The following SLCO4A1 variants were observed in gnomAD, a reference collection of about 807,000 sequenced individuals.
SLCO4A1 encodes colon organic anion transporter.
SLCO4A1 carries 51 observed loss-of-function variants against 64.6 expected under a neutral mutation model. The observed-to-expected ratio is 0.79, with a 90% confidence interval of 0.63 to 1.00. The LOEUF (loss-of-function observed/expected upper bound fraction) is 1.00, where lower values mean the gene tolerates loss of function less well. SLCO4A1 is among the 50% of genes least tolerant of loss of function. The pLI is 0.00. For missense variants in SLCO4A1, 919 were observed against 980.5 expected (o/e 0.94, Z 0.84); for synonymous variants, 471 against 444.9 (o/e 1.06, Z -0.74).
chr20:62,673,066 G>A (rs1285832853), downstream of SLCO4A1, among the ~76,000 whole-genome samples: 1 of 143,636 alleles, frequency 7.0e-6, no homozygotes, highest in Non-Finnish European at 1.6e-5. Context: ...GATTTGCTAA[G>A]TAAGGAGATA....
chr20:62,650,476 G>T (rs1252966600), intron 1 of SLCO4A1: 2 of 152,238 alleles, frequency 1.3e-5, no homozygotes, highest in Non-Finnish European at 2.9e-5. Flanking sequence ...AAAGGTGTGG[G>T]CTGCCGAGCT....
At chr20:62,652,854 G>A (rs1017108200) in intron 1 of SLCO4A1, among the ~76,000 whole-genome samples, 2 of 152,236 alleles carry the variant, frequency 1.3e-5, no homozygotes, top group Non-Finnish European at 2.9e-5. Context: ...CAGTGTCCAA[G>A]GTCAACAGCG....
intron 1 of SLCO4A1, among the ~76,000 whole-genome samples, chr20:62,646,350 C>G (rs766220002): frequency 6.6e-6 from 1 of 152,246 alleles, no homozygotes; most frequent in East Asian, 1.9e-4. Context: ...GCCCTGTGCC[C>G]AAGGACTAGC....
intron 1 of SLCO4A1, chr20:62,650,761 G>A (rs755280444): frequency 6.6e-6 from 1 of 152,176 alleles, no homozygotes; most frequent in Non-Finnish European, 1.5e-5. Flanking sequence ...TGCTGGACTC[G>A]GCTGCTGCGG....
rs1984772454 is a variant in SLCO4A1 at position 62,661,268 on chromosome 20, A to G, written c.1121+93A>G. On this transcript the variant is annotated intron_variant, in intron 5 of 11. Coordinates refer to ENST00000217159, the MANE Select transcript of SLCO4A1 (RefSeq NM_016354.4). The surrounding 1 kb of genome is among the most constrained non-coding windows in gnomAD (Gnocchi z 5.2). The stretch of plus-strand genomic sequence containing the variant: ...TCGTTGAGACCCCTCCGGGATCATG[A>G]TGGGGACGCAGCCCCTAACCTCTGT... 6 of 857,242 alleles carry G rather than the reference A, an allele frequency of 7.0e-6. No individual in the cohort carries two copies. Among genetic ancestry groups the G allele is most frequent in the Non-Finnish European group, 1.2e-5 (6 of 509,282 alleles). The allele number at this position is 857,242 out of a possible 1,614,324, so 53.1% of individuals were successfully genotyped here.
chr20:62,687,292 C>T (rs1048908398), downstream of SLCO4A1, among the ~76,000 whole-genome samples: 2 of 151,810 alleles, frequency 1.3e-5, no homozygotes, highest in South Asian at 2.1e-4. Context: ...ATGAAGTTGA[C>T]CAAACGCCAC....
chr20:62,655,099 C>T (rs1222583271), intron 1 of SLCO4A1, among the ~76,000 whole-genome samples: 1 of 152,238 alleles, frequency 6.6e-6, no homozygotes, highest in African/African-American at 2.4e-5. Context: ...GGGGTCAAGG[C>T]TCCAAGACAG....
At chr20:62,664,101 G>A (rs1985611682) in intron 5 of SLCO4A1, among the ~76,000 whole-genome samples, 1 of 152,028 alleles carries the variant, frequency 6.6e-6, no homozygotes, top group African/African-American at 2.4e-5. Context: ...AGCTTCCAGG[G>A]GGCTATGTCC....
In SLCO4A1 at chr20:62,661,065, C is replaced by A. The variant is rs751033955; in HGVS notation, c.1011C>A (p.Gly337=). 33 of 1,598,470 alleles carry A rather than the reference C, an allele frequency of 2.1e-5. 1 individual carries two copies. Among genetic ancestry groups the A allele is most frequent in the Non-Finnish European group, 2.8e-5 (33 of 1,171,384 alleles). The change falls in exon 5 of 12, where the codon GGC becomes GGA. Residue 337 remains glycine (G), a splice_region_variant and synonymous_variant. Coordinates refer to ENST00000217159, the MANE Select transcript of SLCO4A1 (RefSeq NM_016354.4). The surrounding 1 kb of genome is among the most constrained non-coding windows in gnomAD (Gnocchi z 5.2). ...PILGYPRQLP[G]SQRYAVMRAA... is the part of the protein sequence containing the mutation. ...CCAGCTCACTCTGTGCCCTTCCAGGCTCCCAGCGCTACGCGGTCATGAGAG... is the reference window on the plus strand; with the variant it reads ...CCAGCTCACTCTGTGCCCTTCCAGGATCCCAGCGCTACGCGGTCATGAGAG...
rs185456866 is a variant in SLCO4A1, at chr20:62,645,402, G to A, written c.-97+2849G>A. 6.6e-6 allele frequency among the ~76,000 whole-genome samples: 1 copy of A among 151,532 alleles called. No homozygotes were observed. Among genetic ancestry groups the A allele is most frequent in the African/African-American group, 2.4e-5 (1 of 41,364 alleles). On this transcript the variant is annotated intron_variant, in intron 1 of 11. Coordinates refer to ENST00000217159, the MANE Select transcript of SLCO4A1 (RefSeq NM_016354.4). The surrounding 1 kb of genome is among the most constrained non-coding windows in gnomAD (Gnocchi z 4.2). ...AGAACAACCTGGTCCTGGGGACCCT[G>A]CTGCCTTCTCTGGCCCCTGCTGGCC...
intron 11 of SLCO4A1, among the ~76,000 whole-genome samples, chr20:62,670,761 G>A (rs1470390607): frequency 1.3e-5 from 2 of 152,220 alleles, no homozygotes; most frequent in South Asian, 2.1e-4. Flanking sequence ...GTCAGAGTTG[G>A]CCTCAGCAGC....
chr20:62,647,666 C>T (rs1981602738), intron 1 of SLCO4A1, among the ~76,000 whole-genome samples: 1 of 152,258 alleles, frequency 6.6e-6, no homozygotes, highest in Non-Finnish European at 1.5e-5. Context: ...GAGCGCTTTG[C>T]AGGGAGCCAG....
At chr20:62,650,359 G>A (rs1199037709) in intron 1 of SLCO4A1, 2 of 152,212 alleles carry the variant, frequency 1.3e-5, no homozygotes, top group African/African-American at 4.8e-5. Context: ...CAGTCCAGGG[G>A]CTAGGCAGCC....
chr20:62,676,851 G>A (rs1042345855), downstream of SLCO4A1, among the ~76,000 whole-genome samples: 1 of 152,222 alleles, frequency 6.6e-6, no homozygotes, highest in Non-Finnish European at 1.5e-5. Context: ...AATGTTCACG[G>A]CAATGTTGCT....
At chr20:62,663,520 CATTT>C (rs1353459793) in intron 5 of SLCO4A1, 2 of 152,224 alleles carry the variant, frequency 1.3e-5, no homozygotes, top group African/African-American at 4.8e-5. Context: ...ATGGACATGT[CATTT>C]ATTGTGAAAA....
At position 62,658,860 on chromosome 20, in the gene SLCO4A1, C is replaced by T. The variant is rs1262039554; in HGVS notation, c.887+93C>T. The T allele has an allele frequency of 7.1e-6, 8 of 1,123,984 alleles. No individual in the cohort carries two copies. In the East Asian group the frequency reaches 1.8e-4, roughly 26 times the overall value. 69.6% of individuals were successfully genotyped at this position (1,123,984 alleles called of 1,614,324 possible). On this transcript the variant is annotated intron_variant, in intron 3 of 11. Transcript: ENST00000217159. ...TCAGCAGGGCCCACTCTGAGTCAGG[C>T]CGGGCGCGGCGCAGGTGCTGGGCAC...
rs1983823934 is a variant in SLCO4A1 at position 62,656,850 on chromosome 20, G to A, written c.396G>A (p.Glu132=). 2 of 1,607,410 alleles carry A rather than the reference G, an allele frequency of 1.2e-6. No homozygotes were observed. The highest frequency in any genetic ancestry group is 1.1e-5 in the South Asian group (1 of 90,596). Residue 132 remains glutamate (E), a synonymous_variant, in exon 2 of 12, where the codon GAG becomes GAA. Coordinates refer to ENST00000217159, the MANE Select transcript of SLCO4A1 (RefSeq NM_016354.4). ...TCAACACAGTCATCACCTCCCTGGA[G>A]CGCCGCTATGACCTGCACAGCTACC... ...GFINTVITSL[E]RRYDLHSYQS... is the part of the protein sequence containing the mutation.
At position 62,652,888 on chromosome 20, in the gene SLCO4A1, C is replaced by T. The variant is rs149583026; in HGVS notation, c.-96-3471C>T. ...CGGCTGCACGTGAGTGCCACACGAGCGTGCACGGCTCTTTCAGTAGGTGTC... is the reference window on the plus strand; with the variant it reads ...CGGCTGCACGTGAGTGCCACACGAGTGTGCACGGCTCTTTCAGTAGGTGTC... On this transcript the variant is annotated intron_variant, in intron 1 of 11. Coordinates refer to ENST00000217159, the MANE Select transcript of SLCO4A1 (RefSeq NM_016354.4). Among the ~76,000 whole-genome samples, 999 of 152,354 alleles carry T rather than the reference C, an allele frequency of 6.6e-3. 4 individuals carry two copies. The highest frequency in any genetic ancestry group is 0.011 in the Non-Finnish European group (780 of 68,014).
At position 62,672,166 on chromosome 20, in the gene SLCO4A1, G is replaced by A; in HGVS notation, c.*273G>A. 7.4e-7 allele frequency: 1 copy of A among 1,346,108 alleles called. No individual in the cohort carries two copies. The highest frequency in any genetic ancestry group is 9.6e-7 in the Non-Finnish European group (1 of 1,042,976). The allele number at this position is 1,346,108 out of a possible 1,614,324, so 83.4% of individuals were successfully genotyped here. A position where few individuals can be genotyped will look rare whatever the true frequency, so the allele number is the denominator to read the frequency against. ...TTTTATACCCGATCGTGTGTGGTGT[G>A]CGTGAGGACAAACTCCGCAGGGGCT... On this transcript the variant is annotated 3_prime_UTR_variant, in exon 12 of 12. Coordinates refer to ENST00000217159, the MANE Select transcript of SLCO4A1 (RefSeq NM_016354.4).
Sources: gnomAD v4.1 joint callset for allele counts (sites outside exome capture counted in the v4.1 genomes callset) on GRCh38, gnomAD v4.1.1 for gene constraint, Gnocchi (gnomAD v3.1) non-coding constraint, MANE v1.5 for transcripts, NCBI Gene and HGNC (gene_info 2026-07-23, HGNC 2026-07-21) for gene names.